LRP1B: variants seen among roughly 807,000 people sequenced by gnomAD.
LRP1B encodes low-density lipoprotein receptor-related protein 1B.
In LRP1B, 217 loss-of-function variants were observed where a neutral mutation model predicts 556.6. That is an observed-to-expected ratio of 0.39 (90% confidence interval 0.35 to 0.44). The LOEUF (loss-of-function observed/expected upper bound fraction) is 0.44, where lower values mean the gene tolerates loss of function less well. LRP1B is among the 20% of genes least tolerant of loss of function. The pLI is 1.00. For missense variants in LRP1B, 5,053 were observed against 5,620.8 expected, an observed-to-expected ratio of 0.90 and a Z score of 3.23; for synonymous variants, 2,047 against 1,865.8, an observed-to-expected ratio of 1.10 and a Z score of -2.50.
At chr2:141,612,434 A>ACT (rs1160189771) in intron 2 of LRP1B, among the ~76,000 whole-genome samples, 2 of 152,304 alleles carry the variant, frequency 1.3e-5, no homozygotes, top group East Asian at 3.9e-4. Flanking sequence ...TAAAAATTAA[A>ACT]CTACATAGGG....
chr2:140,505,862 G>T (rs1689387227), intron 53 of LRP1B, among the ~76,000 whole-genome samples: 1 of 152,020 alleles, frequency 6.6e-6, no homozygotes, highest in Non-Finnish European at 1.5e-5. Flanking sequence ...ATTTATTCTT[G>T]TCTATGCATT....
chr2:140,312,787 C>T (rs1208070006), intron 83 of LRP1B, among the ~76,000 whole-genome samples: 2 of 151,838 alleles, frequency 1.3e-5, no homozygotes, highest in East Asian at 1.9e-4. Context: ...TTCATTATTA[C>T]AAACAGTAAC....
chr2:141,537,017 A>G (rs11900360), intron 2 of LRP1B, among the ~76,000 whole-genome samples: 4,802 of 137,546 alleles, frequency 0.035, 264 homozygotes, highest in African/African-American at 0.12. Flanking sequence ...AGGAAAAAGG[A>G]AAAAAAAAAT....
chr2:140,690,923 T>C (rs1686212538), intron 41 of LRP1B, among the ~76,000 whole-genome samples: 1 of 152,196 alleles, frequency 6.6e-6, no homozygotes, highest in Non-Finnish European at 1.5e-5. Flanking sequence ...TAAATGTAGA[T>C]GACTAAAAGT....
chr2:142,100,231 G>T (rs539493641), intron 1 of LRP1B, among the ~76,000 whole-genome samples: 1 of 151,926 alleles, frequency 6.6e-6, no homozygotes, highest in South Asian at 2.1e-4. Flanking sequence ...CAAGTAAGTG[G>T]CTTCTCCGTG....
At chr2:140,806,334 G>A (rs1690714370) in intron 32 of LRP1B, among the ~76,000 whole-genome samples, 1 of 152,082 alleles carries the variant, frequency 6.6e-6, no homozygotes, top group South Asian at 2.1e-4. Flanking sequence ...AGTAGTATAT[G>A]TCATGATAAT....
chr2:141,994,234 C>G (rs981674570), intron 1 of LRP1B, among the ~76,000 whole-genome samples: 1 of 152,108 alleles, frequency 6.6e-6, no homozygotes, highest in Non-Finnish European at 1.5e-5. Context: ...GGTAGTTGAG[C>G]TGTTAATGTA....
chr2:141,504,443 A>G (rs1683845658), intron 2 of LRP1B, among the ~76,000 whole-genome samples: 1 of 152,198 alleles, frequency 6.6e-6, no homozygotes, highest in South Asian at 2.1e-4. Flanking sequence ...AAAAATGCCC[A>G]TATGCTAATT....
At chr2:141,830,180 T>C (rs1385557520) in intron 1 of LRP1B, among the ~76,000 whole-genome samples, 1 of 151,910 alleles carries the variant, frequency 6.6e-6, no homozygotes, top group Non-Finnish European at 1.5e-5. Flanking sequence ...ACTGTAACCT[T>C]AGAAATTTCT....
intron 2 of LRP1B, among the ~76,000 whole-genome samples, chr2:141,483,537 C>A (rs1185466085): frequency 1.1e-5 from 1 of 88,924 alleles, no homozygotes; most frequent in Non-Finnish European, 2.5e-5. Context: ...GGAATCACCA[C>A]ACTGACTTCC....
intron 7 of LRP1B, among the ~76,000 whole-genome samples, chr2:141,153,545 T>C (rs1312311240): frequency 7.8e-6 from 1 of 128,466 alleles, no homozygotes; most frequent in Admixed American, 9.4e-5. Flanking sequence ...TAATATATTA[T>C]ATATTAGCTA....
intron 2 of LRP1B, among the ~76,000 whole-genome samples, chr2:141,715,924 G>A (rs1356576404): frequency 6.6e-6 from 1 of 152,162 alleles, no homozygotes; most frequent in Non-Finnish European, 1.5e-5. Flanking sequence ...TTATGAAAAT[G>A]TGACAAGTTT....
chr2:141,198,406 G>T (rs79471138), intron 6 of LRP1B, among the ~76,000 whole-genome samples: 1 of 152,014 alleles, frequency 6.6e-6, no homozygotes, highest in Admixed American at 6.6e-5. Context: ...TCTATGCTCC[G>T]ATCCTGTTTC....
chr2:141,117,207 A>T (rs1398579310), intron 7 of LRP1B, among the ~76,000 whole-genome samples: 1 of 150,044 alleles, frequency 6.7e-6, no homozygotes, highest in Non-Finnish European at 1.5e-5. Context: ...TTGCCTCTGT[A>T]GGATAAGAAT....
At chr2:141,837,783 G>T (rs1697334990) in intron 1 of LRP1B, among the ~76,000 whole-genome samples, 1 of 152,196 alleles carries the variant, frequency 6.6e-6, no homozygotes, top group African/African-American at 2.4e-5. Context: ...TAGATGAATA[G>T]ATATTTTTGT....
chr2:141,408,141 A>T (rs1573910947), intron 3 of LRP1B, among the ~76,000 whole-genome samples: 6 of 123,942 alleles, frequency 4.8e-5, no homozygotes, highest in Non-Finnish European at 6.5e-5. Context: ...ATTTGGTTCA[A>T]TTTTTTTTTT....
At chr2:141,276,413 C>CT (rs1685287261) in intron 3 of LRP1B, among the ~76,000 whole-genome samples, 2 of 151,876 alleles carry the variant, frequency 1.3e-5, no homozygotes, top group South Asian at 4.2e-4. Flanking sequence ...AGCACAGTAT[C>CT]TAACAGGTAG....
At position 140,671,885 on chromosome 2, in the gene LRP1B, T is replaced by C. The variant is rs576084037; in HGVS notation, c.6799+28365A>G. Among the ~76,000 whole-genome samples the C allele has an allele frequency of 3.9e-4, 60 of 152,320 alleles. 1 individual carries two copies. The South Asian group carries it at 6.6e-3, about 17-fold the overall frequency. On this transcript the variant is annotated intron_variant, in intron 41 of 90. Transcript: ENST00000389484. ...CAGTTGTTCCTGGTTCTCAAAGATT[T>C]ATGTCAGCTCAGTGTGCAAAGTAAG...
chr2:141,659,827 A>C (rs1690147408), intron 2 of LRP1B, among the ~76,000 whole-genome samples: 1 of 152,182 alleles, frequency 6.6e-6, no homozygotes, highest in Admixed American at 6.5e-5. Context: ...ACTATAACAA[A>C]AATCATAAAA....
Sources: allele counts gnomAD v4.1 joint callset (sites outside exome capture counted in the v4.1 genomes callset), GRCh38; gene constraint gnomAD v4.1.1; transcripts MANE v1.5; gene names NCBI Gene and HGNC (gene_info 2026-07-23, HGNC 2026-07-21).